The following ITGA7 variants were observed in gnomAD, a reference collection of about 807,000 sequenced individuals.
ITGA7 encodes the protein integrin alpha-7.
ITGA7 carries 84 observed loss-of-function variants against 131.6 expected under a neutral mutation model. The ratio of observed to expected loss-of-function variants is 0.64; its 90% CI spans 0.54 to 0.77. The LOEUF is 0.77. Among genes scored for constraint, ITGA7 ranks in the 30% least tolerant of loss-of-function variants. The pLI is 0.00. For missense variants in ITGA7, 1,399 were observed against 1,482.9 expected (o/e 0.94, Z 0.93); for synonymous variants, 548 against 600.7 (o/e 0.91, Z 1.28).
chr12:55,709,527 T>C (rs1430986690), upstream of ITGA7, among the ~76,000 whole-genome samples: 1 of 152,198 alleles, frequency 6.6e-6, no homozygotes, highest in Admixed American at 6.5e-5. Flanking sequence ...ATACATATGC[T>C]GTCAGCAGGG....
At chr12:55,715,985 C>T, upstream of ITGA7, 2 of 1,474,252 alleles carry the variant, frequency 1.4e-6, no homozygotes, top group South Asian at 2.6e-5. Context: ...CTCTTCCCCG[C>T]CAAGATCTTC....
intron 1 of ITGA7, among the ~76,000 whole-genome samples, chr12:55,705,281 CCA>C (rs1045682424): frequency 1.3e-5 from 2 of 151,956 alleles, no homozygotes; most frequent in Non-Finnish European, 1.5e-5. Context: ...TCTGGTCCAG[CCA>C]CACACACTCC....
Position 55,698,180 on chromosome 12 carries a change from T to C in ITGA7, c.1193-154A>G, listed in dbSNP as rs1054261466. 51 of 860,022 alleles carry C rather than the reference T, an allele frequency of 5.9e-5. No individual in the cohort carries two copies. In the African/African-American group the frequency reaches 6.8e-4, roughly 11 times the overall value. 53.3% of individuals were successfully genotyped at this position (860,022 alleles called of 1,614,324 possible). ...CTACATACATCATCTTTAATCCTCT[T>C]GGCCACTCCCTGCAGATATTACTAA... On this transcript the variant is annotated intron_variant, in intron 7 of 24. Coordinates refer to ENST00000257879, the MANE Select transcript of ITGA7 (RefSeq NM_002206.3).
In ITGA7 at chr12:55,698,967, C is replaced by T. The variant is rs777835773; in HGVS notation, c.791-50G>A. On this transcript the variant is annotated intron_variant, in intron 5 of 24. Coordinates refer to ENST00000257879, the MANE Select transcript of ITGA7 (RefSeq NM_002206.3). Reference sequence around the variant, plus strand: ...AAGTCTTCACCCCAAGACTCAGAAGCTGGGGTGTGTCACAGCTCCCCCAGC... The same window carrying T: ...AAGTCTTCACCCCAAGACTCAGAAGTTGGGGTGTGTCACAGCTCCCCCAGC... 29 of 1,524,308 alleles carry T rather than the reference C, an allele frequency of 1.9e-5. 1 individual carries two copies. In the South Asian group the frequency reaches 3.3e-4, roughly 17 times the overall value. 94.4% of individuals were successfully genotyped at this position (1,524,308 alleles called of 1,614,324 possible).
upstream of ITGA7, chr12:55,712,318 A>G (rs1876197645): frequency 3.7e-6 from 5 of 1,348,490 alleles, no homozygotes; most frequent in South Asian, 6.3e-5. Context: ...CTTCAGGCCA[A>G]CATTTGGAAC....
At chr12:55,688,760 A>C in intron 22 of ITGA7, 84 bp downstream of exon 22, 8 of 973,026 alleles carry the variant, frequency 8.2e-6, no homozygotes, top group East Asian at 2.5e-5. Flanking sequence ...GCATTTGGAC[A>C]GTGAGGAAGG....
chr12:55,705,648 A>G (rs912947713), intron 1 of ITGA7, among the ~76,000 whole-genome samples: 1 of 152,246 alleles, frequency 6.6e-6, no homozygotes, highest in African/African-American at 2.4e-5. Flanking sequence ...GAATCACAAT[A>G]CAAGAATAGC....
intron 1 of ITGA7, 119 bp downstream of exon 1, chr12:55,707,358 T>C: frequency 1.2e-6 from 1 of 813,686 alleles, no homozygotes; most frequent in Non-Finnish European, 2.0e-6. Flanking sequence ...GTGGGATGTC[T>C]GTGGGCAGTC....
chr12:55,697,395 C>G (rs1438638078), intron 10 of ITGA7, 56 bp downstream of exon 10: 6 of 1,592,852 alleles, frequency 3.8e-6, no homozygotes, highest in Admixed American at 1.7e-5. Flanking sequence ...GATAAAGGAT[C>G]AAAGGGAGGG....
rs752220647 is a variant in ITGA7 at position 55,685,214 on chromosome 12, T to C, written c.3258A>G (p.Glu1086=). The change falls in exon 25 of 25, where the codon GAA becomes GAG. Residue 1086 remains glutamate (E), a synonymous_variant. Coordinates refer to ENST00000257879, the MANE Select transcript of ITGA7 (RefSeq NM_002206.3). ...PQYHAVKIPR[E]DRQQFKEEKT... ...TCTCCTCCTTGAACTGCTGTCGGTCTTCCCGAGGAATCTTCACCGCATGGT... is the reference window on the plus strand; with the variant it reads ...TCTCCTCCTTGAACTGCTGTCGGTCCTCCCGAGGAATCTTCACCGCATGGT... 6.2e-7 allele frequency: 1 copy of C among 1,614,202 alleles called. No homozygotes were observed. The highest frequency in any genetic ancestry group is 1.1e-5 in the South Asian group (1 of 91,084).
At chr12:55,715,503 G>C (rs946572981), upstream of ITGA7, among the ~76,000 whole-genome samples, 1 of 152,122 alleles carries the variant, frequency 6.6e-6, no homozygotes, top group African/African-American at 2.4e-5. Flanking sequence ...CACTGAAATG[G>C]GTTCGCATTC....
chr12:55,688,494 G>A (rs1484092552), intron 22 of ITGA7, among the ~76,000 whole-genome samples, 194 bp from the exon 23 acceptor site: 1 of 152,202 alleles, frequency 6.6e-6, no homozygotes, highest in African/African-American at 2.4e-5. Context: ...GGAGGCCAAG[G>A]AGGGTGGATC....
upstream of ITGA7, chr12:55,716,041 G>T (rs1380305302): frequency 6.5e-7 from 1 of 1,546,756 alleles, no homozygotes; most frequent in South Asian, 1.2e-5. Flanking sequence ...GTGACACAGC[G>T]GTCACGTGAC....
chr12:55,704,221 G>C (rs1028975798), intron 1 of ITGA7, among the ~76,000 whole-genome samples: 10 of 152,202 alleles, frequency 6.6e-5, no homozygotes, highest in Non-Finnish European at 1.5e-5. Flanking sequence ...CCTTCCTGGG[G>C]GGCAAGGCCC....
intron 22 of ITGA7, among the ~76,000 whole-genome samples, 164 bp from the exon 23 acceptor site, chr12:55,688,464 C>T (rs1870724885): frequency 6.6e-6 from 1 of 152,162 alleles, no homozygotes; most frequent in South Asian, 2.1e-4. Flanking sequence ...GTGGCTCACA[C>T]CTGTAATCCC....
chr12:55,693,359 T>TA, intron 19 of ITGA7, 42 bp from the exon 20 acceptor site: 2 of 1,519,168 alleles, frequency 1.3e-6, no homozygotes, highest in Non-Finnish European at 1.8e-6. Flanking sequence ...CCTCAGTTTT[T>TA]CTTTTTTTTT....
chr12:55,688,003 C>G lies in ITGA7; in HGVS notation c.3151G>C (p.Val1051Leu). 6.2e-7 allele frequency: 1 copy of G among 1,614,172 alleles called. No homozygotes were observed. Among genetic ancestry groups the G allele is most frequent in the Non-Finnish European group, 8.5e-7 (1 of 1,180,020 alleles). ...AGGAGCAGCACCAGCAGTGCTAGCA[C>G]CAGCAGCCCAGCCAGTACAGCCAGG... ...ILLAVLAGLL[V>L]LALLVLLLWK... Residue 1051 changes from valine to leucine, a missense_variant, in exon 24 of 25, where the codon GTG becomes CTG. By Grantham distance (32) the Val-to-Leu change is conservative. Transcript: ENST00000257879.
Position 55,686,741 on chromosome 12 carries a change from G to C in ITGA7, c.3183+1230C>G, listed in dbSNP as rs778259344. ...TGAGCCCTGGATACCAGTATGATTC[G>C]GTATACAGCTCTGGGTGTACAAGAA... On this transcript the variant is annotated intron_variant, in intron 24 of 24. Coordinates refer to ENST00000257879, the MANE Select transcript of ITGA7 (RefSeq NM_002206.3). Among the ~76,000 whole-genome samples the C allele has an allele frequency of 2.0e-5, 3 of 152,196 alleles. No homozygotes were observed. The South Asian group carries it at 6.2e-4, about 32-fold the overall frequency.
Position 55,707,755 on chromosome 12 carries a change from G to C in ITGA7, c.-73C>G, listed in dbSNP as rs1363068320. The C allele has an allele frequency of 1.3e-6, 2 of 1,547,928 alleles. No homozygotes were observed. Among genetic ancestry groups the C allele is most frequent in the Non-Finnish European group, 8.7e-7 (1 of 1,145,758 alleles). On this transcript the variant is annotated 5_prime_UTR_variant, in exon 1 of 25. Transcript: ENST00000257879. ...ACGCCCCAAGCCCCAGGTCCCCCCA[G>C]GCGCGTCTCTGGTCTCCAAAGTCTC...
Sources: gnomAD v4.1 joint callset for allele counts (sites outside exome capture counted in the v4.1 genomes callset) on GRCh38, gnomAD v4.1.1 for gene constraint, MANE v1.5 for transcripts, NCBI Gene and HGNC (gene_info 2026-07-23, HGNC 2026-07-21) for gene names.